Variants in ZFAND1 observed in about 807,000 individuals in gnomAD.
ZFAND1 encodes the protein AN1-type zinc finger protein 1.
In ZFAND1, 40 loss-of-function variants were observed where a neutral mutation model predicts 38.5. The ratio of observed to expected loss-of-function variants is 1.04; its 90% CI spans 0.81 to 1.35. ZFAND1 has a LOEUF of 1.35. Among genes scored for constraint, ZFAND1 ranks in the 40% most tolerant of loss-of-function variants. The pLI is 0.00. For missense variants in ZFAND1, 346 were observed against 316.3 expected (o/e 1.09, Z -0.71); for synonymous variants, 117 against 103.6 (o/e 1.13, Z -0.78).
chr8:81,714,715 A>T, intron 5 of ZFAND1, 89 bp downstream of exon 5: 1 of 1,114,994 alleles, frequency 9.0e-7, no homozygotes, highest in Non-Finnish European at 1.4e-6. Context: ...TGGGGTTATT[A>T]ATGATGCCTC....
At position 81,713,912 on chromosome 8, in the gene ZFAND1, A is replaced by G. The variant is rs766655383; in HGVS notation, c.480+6T>C. 2 of 1,612,722 alleles carry G rather than the reference A, an allele frequency of 1.2e-6. No homozygotes were observed. Among genetic ancestry groups the G allele is most frequent in the South Asian group, 1.1e-5 (1 of 90,636 alleles). The stretch of plus-strand genomic sequence containing the variant: ...TTTTGTGTTTTAAAAAATCTCTAAG[A>G]CCAACCTGTGGTAATGACTTATCGC... On this transcript the variant is annotated splice_donor_region_variant and intron_variant, in intron 6 of 7. Transcript: ENST00000220669.
chr8:81,711,228 G>A (rs537497496), intron 6 of ZFAND1, among the ~76,000 whole-genome samples: 65 of 152,092 alleles, frequency 4.3e-4, no homozygotes, highest in Non-Finnish European at 8.1e-4. Flanking sequence ...CCTGACCAAC[G>A]TGGTGAAATC....
chr8:81,714,608 C>T, intron 5 of ZFAND1, 196 bp downstream of exon 5: 1 of 544,198 alleles, frequency 1.8e-6, no homozygotes, highest in Non-Finnish European at 3.3e-6. Context: ...CAGTGGAGTA[C>T]CTCCAAATAA....
intron 3 of ZFAND1, among the ~76,000 whole-genome samples, chr8:81,715,366 T>C (rs1301692693): frequency 6.6e-6 from 1 of 152,244 alleles, no homozygotes; most frequent in Non-Finnish European, 1.5e-5. Flanking sequence ...AATTACGCTC[T>C]ATAATTTTAA....
At chr8:81,715,872 A>G (rs991950954) in intron 3 of ZFAND1, among the ~76,000 whole-genome samples, 2 of 152,200 alleles carry the variant, frequency 1.3e-5, no homozygotes, top group African/African-American at 4.8e-5. Context: ...ACGAGACCTA[A>G]TTATCTGAGA....
rs1183042929 is a variant in ZFAND1, at chr8:81,714,902, G to C, written c.267-7C>G. 2 of 1,613,910 alleles carry C rather than the reference G, an allele frequency of 1.2e-6. No individual in the cohort carries two copies. Among genetic ancestry groups the C allele is most frequent in the Admixed American group, 3.3e-5 (2 of 60,000 alleles). ...ATCTGACTGATGACGGTGTCTATGAGCAACAGAAGAGTGACACTAGTTCAT... is the reference window on the plus strand; with the variant it reads ...ATCTGACTGATGACGGTGTCTATGACCAACAGAAGAGTGACACTAGTTCAT... On this transcript the variant is annotated splice_region_variant and splice_polypyrimidine_tract_variant and intron_variant, in intron 4 of 7. Coordinates refer to ENST00000220669, the MANE Select transcript of ZFAND1 (RefSeq NM_024699.3).
chr8:81,719,310 AACACACACACAC>A (rs71268018), intron 1 of ZFAND1, among the ~76,000 whole-genome samples: 47 of 124,938 alleles, frequency 3.8e-4, no homozygotes, highest in Admixed American at 9.3e-4. Flanking sequence ...CTCTACTGAA[AACACACACACAC>A]ACACACACAC....
intron 2 of ZFAND1, among the ~76,000 whole-genome samples, chr8:81,717,684 A>C (rs1808358907): frequency 6.6e-6 from 1 of 152,104 alleles, no homozygotes; most frequent in South Asian, 2.1e-4. Flanking sequence ...TTACATTCTG[A>C]AAAAAATTCA....
At chr8:81,715,487 T>C (rs1019165762) in intron 3 of ZFAND1, among the ~76,000 whole-genome samples, 8 of 152,192 alleles carry the variant, frequency 5.3e-5, no homozygotes, top group African/African-American at 1.4e-4. Context: ...TTTTAGGAGA[T>C]GAAACACTTA....
chr8:81,704,706 G>C (rs1176834095), intron 6 of ZFAND1, among the ~76,000 whole-genome samples: 1 of 152,102 alleles, frequency 6.6e-6, no homozygotes, highest in Non-Finnish European at 1.5e-5. Context: ...ACTTGTGGGG[G>C]AAAGATCACA....
intron 1 of ZFAND1, 114 bp from the exon 2 acceptor site, chr8:81,718,338 T>C (rs1403453301): frequency 1.3e-5 from 9 of 691,512 alleles, no homozygotes; most frequent in Non-Finnish European, 2.1e-5. Context: ...TATCCTAGTG[T>C]AGCAAGCACT....
chr8:81,709,634 C>T (rs1432523670), intron 6 of ZFAND1, among the ~76,000 whole-genome samples: 3 of 151,956 alleles, frequency 2.0e-5, no homozygotes, highest in Non-Finnish European at 2.9e-5. Flanking sequence ...ATATATTATA[C>T]ATGTATGTAT....
intron 1 of ZFAND1, among the ~76,000 whole-genome samples, chr8:81,719,452 G>C (rs1808409314): frequency 1.3e-5 from 2 of 151,708 alleles, no homozygotes; most frequent in South Asian, 4.2e-4. Context: ...GGTTGCAGAG[G>C]GCCGAGATCG....
intron 5 of ZFAND1, 171 bp from the exon 6 acceptor site, chr8:81,714,210 T>C (rs1808230725): frequency 6.6e-6 from 4 of 602,150 alleles, no homozygotes; most frequent in African/African-American, 3.9e-5. Flanking sequence ...AATGGAAAAA[T>C]ATCATTGAGA....
In ZFAND1 at chr8:81,713,792, C is replaced by T. The variant is rs961109379; in HGVS notation, c.480+126G>A. On this transcript the variant is annotated intron_variant, in intron 6 of 7. Coordinates refer to ENST00000220669, the MANE Select transcript of ZFAND1 (RefSeq NM_024699.3). ...TTTGTATTATTTATGCAGACATATA[C>T]CATGCAACATTAAGAATGATACATA... 143 of 925,462 alleles carry T rather than the reference C, an allele frequency of 1.5e-4. 1 individual carries two copies. In the East Asian group the frequency reaches 2.6e-3, roughly 17 times the overall value. The allele number at this position is 925,462 out of a possible 1,614,324, so 57.3% of individuals were successfully genotyped here.
intron 6 of ZFAND1, among the ~76,000 whole-genome samples, chr8:81,707,593 T>C (rs528152799): frequency 3.2e-4 from 49 of 152,140 alleles, no homozygotes; most frequent in Non-Finnish European, 5.1e-4. Flanking sequence ...AATCATAACA[T>C]TCAGATGGAT....
rs992987854 is a variant in ZFAND1, at chr8:81,718,345, C to A, written c.56-121G>T. On this transcript the variant is annotated intron_variant, in intron 1 of 7. Transcript: ENST00000220669. ...TTGACTAATATCCTAGTGTAGCAAG[C>A]ACTATGTAACCACTCTAACAAAATT... The A allele has an allele frequency of 4.8e-6, 3 of 622,428 alleles. No individual in the cohort carries two copies. In the Admixed American group the frequency reaches 1.0e-4, roughly 21 times the overall value. 38.6% of individuals were successfully genotyped at this position (622,428 alleles called of 1,614,324 possible).
intron 5 of ZFAND1, chr8:81,714,430 T>C: frequency 3.9e-6 from 1 of 256,978 alleles, no homozygotes; most frequent in Non-Finnish European, 7.5e-6. Context: ...CACAGATACA[T>C]TCATTCCTGG....
In ZFAND1 at chr8:81,713,962, TCAATGCAAC is replaced by T. The variant is rs1296850288; in HGVS notation, c.427_435del (p.Val143_Leu145del). 6.2e-7 allele frequency: 1 copy of T among 1,612,966 alleles called. No homozygotes were observed. Among genetic ancestry groups the T allele is most frequent in the East Asian group, 2.2e-5 (1 of 44,788 alleles). The stretch of plus-strand genomic sequence containing the variant: ...CCATCAGCATGCATCTTTAATTTCA[TCAATGCAAC>T]CTTTGCAGCTGTTTCACTATTTTTG... On this transcript the variant is annotated inframe_deletion, in exon 6 of 8. Coordinates refer to ENST00000220669, the MANE Select transcript of ZFAND1 (RefSeq NM_024699.3).
Sources: allele counts gnomAD v4.1 joint callset (sites outside exome capture counted in the v4.1 genomes callset), GRCh38; gene constraint gnomAD v4.1.1; transcripts MANE v1.5; gene names NCBI Gene and HGNC (gene_info 2026-07-23, HGNC 2026-07-21).